Variants in SDR42E2 observed in about 807,000 individuals in gnomAD.
SDR42E2 encodes short chain dehydrogenase/reductase family 42E, member 2.
A neutral mutation model predicts 10.5 loss-of-function variants in SDR42E2; 20 were observed. The observed-to-expected ratio is 1.90, with a 90% confidence interval of 1.34 to 2.77. SDR42E2 has a LOEUF of 2.77. Among genes scored for constraint, SDR42E2 ranks in the 30% most tolerant of loss-of-function variants. The pLI is 0.00. For missense variants in SDR42E2, 162 were observed against 104.2 expected (o/e 1.55, Z -2.42); for synonymous variants, 72 against 39.2 (o/e 1.84, Z -3.12).
chr16:22,181,851 T>C (rs2046698354), intron 9 of SDR42E2, among the ~76,000 whole-genome samples, 195 bp downstream of exon 9: 1 of 152,102 alleles, frequency 6.6e-6, no homozygotes, highest in Non-Finnish European at 1.5e-5. Context: ...CTTTAGCTCT[T>C]CTCTATGGCC....
rs1567243859 is a variant in SDR42E2, at chr16:22,181,503, C to T, written c.673-16C>T. On this transcript the variant is annotated splice_polypyrimidine_tract_variant and intron_variant, in intron 8 of 12. Transcript: ENST00000602312. Reference sequence around the variant, plus strand: ...ACCGGACACAAGCCTGTTTATCACCCACTCCTCTCCACCAGGGCCACATCA... The same window carrying T: ...ACCGGACACAAGCCTGTTTATCACCTACTCCTCTCCACCAGGGCCACATCA... The T allele has an allele frequency of 1.4e-6, 1 of 703,030 alleles. No individual in the cohort carries two copies. Among genetic ancestry groups the T allele is most frequent in the Non-Finnish European group, 2.6e-6 (1 of 385,000 alleles). 43.5% of individuals were successfully genotyped at this position (703,030 alleles called of 1,614,324 possible). A position where few individuals can be genotyped will look rare whatever the true frequency, so the allele number is the denominator to read the frequency against.
At chr16:22,183,455 G>A (rs919956121) in intron 10 of SDR42E2, among the ~76,000 whole-genome samples, 9 of 152,182 alleles carry the variant, frequency 5.9e-5, no homozygotes, top group Admixed American at 2.0e-4. Flanking sequence ...ATGTGGAAGA[G>A]ACAAAAGCGC....
At chr16:22,165,048 T>G (rs1267391704) in intron 1 of SDR42E2, among the ~76,000 whole-genome samples, 1 of 152,158 alleles carries the variant, frequency 6.6e-6, no homozygotes, top group Non-Finnish European at 1.5e-5. Flanking sequence ...TCTGACTCTG[T>G]GCAGAGGACA....
intron 3 of SDR42E2, 95 bp downstream of exon 3, chr16:22,166,529 A>G (rs2046541744): frequency 5.0e-6 from 2 of 402,496 alleles, no homozygotes; most frequent in African/African-American, 2.1e-5. Flanking sequence ...TTAGGGGCAC[A>G]CTGTTTGAAG....
At position 22,166,254 on chromosome 16, in the gene SDR42E2, G is replaced by A. The variant is rs1007994978; in HGVS notation, c.60G>A (p.Pro20=). 1.5e-5 allele frequency: 6 copies of A among 402,992 alleles called. No individual in the cohort carries two copies. Among genetic ancestry groups the A allele is most frequent in the African/African-American group, 8.2e-5 (4 of 48,688 alleles). The allele number at this position is 402,992 out of a possible 1,614,324, so 25.0% of individuals were successfully genotyped here. A position where few individuals can be genotyped will look rare whatever the true frequency, so the allele number is the denominator to read the frequency against. The part of the protein sequence containing the change: ...LEACKAAGQA[P]QQKTQAKPTK... Reference sequence around the variant, plus strand: ...CAACAACAACCCCAACACCAGCGCCGCAGCAGAAGACTCAAGCCAAACCTA... The same window carrying A: ...CAACAACAACCCCAACACCAGCGCCACAGCAGAAGACTCAAGCCAAACCTA... Residue 20 remains proline (P), a synonymous_variant, in exon 3 of 13, where the codon CCG becomes CCA. Transcript: ENST00000602312.
rs889898038 is a variant in SDR42E2, at chr16:22,191,185, G to C, written c.*792G>C. 1.3e-5 allele frequency: 2 copies of C among 151,198 alleles called. No homozygotes were observed. Among genetic ancestry groups the C allele is most frequent in the African/African-American group, 4.9e-5 (2 of 40,672 alleles). The allele number at this position is 151,198 out of a possible 1,614,324, so 9.4% of individuals were successfully genotyped here. ...CTTCTCCTAGTCCCTGCCCAGTCCC[G>C]GCCCACCCCCAGATTCTCCCTCATT... On this transcript the variant is annotated 3_prime_UTR_variant, in exon 13 of 13. Transcript: ENST00000602312.
At chr16:22,182,143 G>A (rs2142077447) in intron 9 of SDR42E2, 69 bp from the exon 10 acceptor site, 1 of 408,770 alleles carries the variant, frequency 2.4e-6, no homozygotes, top group East Asian at 3.5e-5. Context: ...GCTGCTGGGA[G>A]CCATCTGGAA....
chr16:22,178,365 C>G (rs1040108820), intron 8 of SDR42E2, among the ~76,000 whole-genome samples, 153 bp downstream of exon 8: 6 of 152,196 alleles, frequency 3.9e-5, no homozygotes, highest in Admixed American at 2.0e-4. Flanking sequence ...GTTCCTGCCC[C>G]CACTGGTCCA....
chr16:22,168,616 T>TA (rs1374591888), intron 4 of SDR42E2, among the ~76,000 whole-genome samples: 1 of 152,044 alleles, frequency 6.6e-6, no homozygotes, highest in Non-Finnish European at 1.5e-5. Flanking sequence ...CTCATGCCTG[T>TA]ACCCCCAACA....
At chr16:22,163,946 A>T (rs944414002) in intron 1 of SDR42E2, among the ~76,000 whole-genome samples, 1 of 151,978 alleles carries the variant, frequency 6.6e-6, no homozygotes, top group Admixed American at 6.6e-5. Context: ...GCAGAGATGC[A>T]CCTATCTGTA....
chr16:22,171,787 C>T (rs1036427440), intron 6 of SDR42E2, among the ~76,000 whole-genome samples: 11 of 152,178 alleles, frequency 7.2e-5, no homozygotes, highest in African/African-American at 1.9e-4. Flanking sequence ...CCTCCTGCGG[C>T]TGTCAAAGTG....
chr16:22,177,055 G>A (rs1346898177), intron 7 of SDR42E2, among the ~76,000 whole-genome samples: 1 of 152,208 alleles, frequency 6.6e-6, no homozygotes, highest in Non-Finnish European at 1.5e-5. Context: ...CCTTACTGCT[G>A]AGAAGCGGAG....
At chr16:22,173,400 A>G (rs534148269) in intron 7 of SDR42E2, among the ~76,000 whole-genome samples, 114 of 151,624 alleles carry the variant, frequency 7.5e-4, no homozygotes, top group Non-Finnish European at 1.2e-3. Context: ...TTGTATTTTT[A>G]GTAGAGATGG....
rs1290599831 is a variant in SDR42E2 at position 22,190,121 on chromosome 16, C to G, written c.1015-18C>G. The G allele has an allele frequency of 5.0e-6, 2 of 401,026 alleles. No homozygotes were observed. The highest frequency in any genetic ancestry group is 8.8e-6 in the Non-Finnish European group (2 of 226,154). 24.8% of individuals were successfully genotyped at this position (401,026 alleles called of 1,614,324 possible). A position where few individuals can be genotyped will look rare whatever the true frequency, so the allele number is the denominator to read the frequency against. ...CTCCCACGAGGCCCGCCCTCGGATG[C>G]CCCGCCTGTCCCCGCAGGTGCGCAG... On this transcript the variant is annotated intron_variant, in intron 12 of 12. Coordinates refer to ENST00000602312, the MANE Select transcript of SDR42E2 (RefSeq NM_001394319.2).
intron 1 of SDR42E2, among the ~76,000 whole-genome samples, chr16:22,163,069 G>T (rs1193383135): frequency 6.6e-6 from 1 of 152,192 alleles, no homozygotes; most frequent in Non-Finnish European, 1.5e-5. Flanking sequence ...AGCCTCGCAA[G>T]GCATTCTGGC....
chr16:22,181,303 G>C (rs964247315), intron 8 of SDR42E2, among the ~76,000 whole-genome samples: 4 of 152,138 alleles, frequency 2.6e-5, no homozygotes, highest in Non-Finnish European at 5.9e-5. Flanking sequence ...AGGGAGGAGC[G>C]GGGTGGGAGA....
At chr16:22,171,056 G>A (rs977244328) in intron 6 of SDR42E2, 105 bp downstream of exon 6, 22 of 675,822 alleles carry the variant, frequency 3.3e-5, no homozygotes, top group East Asian at 5.5e-5. Context: ...CTCAGGATAC[G>A]TCCTAGCAGG....
intron 8 of SDR42E2, among the ~76,000 whole-genome samples, chr16:22,180,887 A>T (rs1388921254): frequency 6.6e-6 from 1 of 152,192 alleles, no homozygotes; most frequent in East Asian, 1.9e-4. Flanking sequence ...TGTGCCTGTA[A>T]TTCTAGCTCC....
At position 22,190,451 on chromosome 16, in the gene SDR42E2, G is replaced by A; in HGVS notation, c.*58G>A. On this transcript the variant is annotated 3_prime_UTR_variant, in exon 13 of 13. Transcript: ENST00000602312. ...CCCGCTGCACCCTCGCCCACGCCCGGCTCCCTGGGCTTGTACCAGCCCCTG... is the reference window on the plus strand; with the variant it reads ...CCCGCTGCACCCTCGCCCACGCCCGACTCCCTGGGCTTGTACCAGCCCCTG... The A allele has an allele frequency of 2.5e-6, 1 of 400,020 alleles. No individual in the cohort carries two copies. Among genetic ancestry groups the A allele is most frequent in the South Asian group, 1.1e-4 (1 of 8,872 alleles). 24.8% of individuals were successfully genotyped at this position (400,020 alleles called of 1,614,324 possible).
Sources: allele counts gnomAD v4.1 joint callset (sites outside exome capture counted in the v4.1 genomes callset), GRCh38; gene constraint gnomAD v4.1.1; transcripts MANE v1.5; gene names NCBI Gene and HGNC (gene_info 2026-07-23, HGNC 2026-07-21).